Variants in UGT1A8 observed in about 807,000 individuals in gnomAD.
The protein encoded by UGT1A8 is UDP glucuronosyltransferase family 1 member A8.
In UGT1A8, 39 loss-of-function variants were observed where a neutral mutation model predicts 45.3. The observed-to-expected ratio is 0.86, with a 90% confidence interval of 0.67 to 1.12. The LOEUF (loss-of-function observed/expected upper bound fraction) is 1.12. Ranked by LOEUF, UGT1A8 falls within the 50% of genes most tolerant of loss-of-function variation. The pLI, the probability that UGT1A8 is intolerant of heterozygous loss-of-function variation, is 0.00. For synonymous variants in UGT1A8, 275 were observed against 249.2 expected (o/e 1.10, Z -0.97); for missense variants, 719 against 664.9 (o/e 1.08, Z -0.90).
rs879204025 is a variant in UGT1A8, at chr2:233,769,857, CAAA to C, written c.1295+1433_1295+1435del. The C allele has an allele frequency of 9.2e-3, 2,056 of 222,634 alleles. No homozygotes were observed. Among genetic ancestry groups the C allele is most frequent in the South Asian group, 0.014 (129 of 9,020 alleles). The allele number at this position is 222,634 out of a possible 1,614,324, so 13.8% of individuals were successfully genotyped here. On this transcript the variant is annotated intron_variant, in intron 4 of 4. Transcript: ENST00000373450. The surrounding 1 kb of genome is among the most constrained non-coding windows in gnomAD (Gnocchi z 4.4). ...TGGGCAACAGAGTGAGACCCTGTCT[CAAA>C]AAAAAAAAAAAAAATGAAAAGTCCA...
intron 1 of UGT1A8, among the ~76,000 whole-genome samples, chr2:233,738,401 T>G (rs1318254464): frequency 6.6e-6 from 1 of 152,210 alleles, no homozygotes; most frequent in African/African-American, 2.4e-5. Context: ...GACTTGGAAC[T>G]GGGTAACAGG....
intron 1 of UGT1A8, among the ~76,000 whole-genome samples, chr2:233,675,746 C>T (rs1371551948): frequency 1.3e-5 from 2 of 152,118 alleles, no homozygotes; most frequent in Non-Finnish European, 1.5e-5. Context: ...TCATCTATCC[C>T]TTTATTCTAT....
At chr2:233,765,606 C>G (rs4663971) in intron 1 of UGT1A8, among the ~76,000 whole-genome samples, 75,263 of 151,312 alleles carry the variant, frequency 0.5, 19,319 homozygotes, top group African/African-American at 0.62. Context: ...GGGCTTGTGG[C>G]GGGGTGAGGG....
chr2:233,749,952 C>T (rs1450236503), intron 1 of UGT1A8, among the ~76,000 whole-genome samples: 1 of 151,854 alleles, frequency 6.6e-6, no homozygotes, highest in Non-Finnish European at 1.5e-5. Flanking sequence ...ATTACCGAGT[C>T]TTGGGTATGT....
At chr2:233,761,128 C>T in intron 1 of UGT1A8, 1 of 1,614,190 alleles carries the variant, frequency 6.2e-7, no homozygotes, top group Non-Finnish European at 8.5e-7. Context: ...AATCAACTGC[C>T]TTCACCAAAA....
At chr2:233,760,834 G>A in intron 1 of UGT1A8, 1 of 1,613,564 alleles carries the variant, frequency 6.2e-7, no homozygotes, top group Non-Finnish European at 8.5e-7. Flanking sequence ...GGAATTTGAG[G>A]CTACCCAGTG....
chr2:233,765,571 G>A (rs997936570), intron 1 of UGT1A8, among the ~76,000 whole-genome samples: 4 of 152,064 alleles, frequency 2.6e-5, no homozygotes, highest in Admixed American at 2.0e-4. Flanking sequence ...ATGCGTAGAC[G>A]CAGGGAGGGG....
At chr2:233,734,703 G>A (rs1251067187) in intron 1 of UGT1A8, among the ~76,000 whole-genome samples, 3 of 151,956 alleles carry the variant, frequency 2.0e-5, no homozygotes, top group Non-Finnish European at 4.4e-5. Flanking sequence ...CAGAGATTCT[G>A]GTATGTTGTG....
chr2:233,758,550 C>T (rs537826054), intron 1 of UGT1A8, among the ~76,000 whole-genome samples: 173 of 152,196 alleles, frequency 1.1e-3, no homozygotes, highest in African/African-American at 3.9e-3. Flanking sequence ...TTCTGCTTGC[C>T]CAGAATCTTG....
intron 1 of UGT1A8, among the ~76,000 whole-genome samples, chr2:233,766,364 G>C (rs1381103193): frequency 6.6e-6 from 1 of 152,144 alleles, no homozygotes; most frequent in Non-Finnish European, 1.5e-5. Flanking sequence ...GTGCCTGTTG[G>C]TGAGTTCTTC....
intron 1 of UGT1A8, among the ~76,000 whole-genome samples, chr2:233,681,049 CTTGTGGCTCACCTGTGTCACAA>C (rs1187980747): frequency 1.3e-4 from 19 of 151,900 alleles, no homozygotes; most frequent in Admixed American, 2.0e-4. Flanking sequence ...ACAAGCAGCA[CTTGTGGCTCACCTGTGTCACAA>C]TTGTGGCTCA....
At chr2:233,663,306 C>T (rs1398594147) in intron 1 of UGT1A8, among the ~76,000 whole-genome samples, 1 of 152,166 alleles carries the variant, frequency 6.6e-6, no homozygotes, top group African/African-American at 2.4e-5. Context: ...ATCAGTCTCC[C>T]CAAGCAATTT....
chr2:233,726,835 ATT>A (rs1243429736), intron 1 of UGT1A8, among the ~76,000 whole-genome samples: 1 of 152,090 alleles, frequency 6.6e-6, no homozygotes, highest in African/African-American at 2.4e-5. Flanking sequence ...TTTAAATTTA[ATT>A]TTTGTTCCTT....
At chr2:233,680,803 G>C (rs1386884199) in intron 1 of UGT1A8, among the ~76,000 whole-genome samples, 1 of 152,140 alleles carries the variant, frequency 6.6e-6, no homozygotes, top group Admixed American at 6.5e-5. Flanking sequence ...CATAGCAAAG[G>C]CCTGCAGCTC....
chr2:233,682,551 A>C (rs1349581961), intron 1 of UGT1A8: 2 of 1,613,822 alleles, frequency 1.2e-6, no homozygotes, highest in African/African-American at 1.3e-5. Context: ...ACTTTCAAGG[A>C]GAGAGTATGG....
chr2:233,623,550 CTTAA>C (rs2073048416), intron 1 of UGT1A8, among the ~76,000 whole-genome samples: 1 of 152,032 alleles, frequency 6.6e-6, no homozygotes. Context: ...TCACCGAATA[CTTAA>C]TTAAATATAA....
chr2:233,729,158 G>A (rs771653845), intron 1 of UGT1A8: 35 of 1,613,348 alleles, frequency 2.2e-5, no homozygotes, highest in East Asian at 4.5e-5. Context: ...CCCCTGCCGT[G>A]GCTGGCCACA....
chr2:233,741,611 T>G (rs1691716714), intron 1 of UGT1A8: 1 of 151,894 alleles, frequency 6.6e-6, no homozygotes. Context: ...CAGAGTTCAG[T>G]GTCAGACCCC....
intron 1 of UGT1A8, among the ~76,000 whole-genome samples, chr2:233,656,480 C>T (rs879655856): frequency 6.6e-6 from 1 of 152,168 alleles, no homozygotes; most frequent in Non-Finnish European, 1.5e-5. Flanking sequence ...TTTCTCTAGA[C>T]CTGTGCTTAT....
Sources: allele counts gnomAD v4.1 joint callset (sites outside exome capture counted in the v4.1 genomes callset), GRCh38; gene constraint gnomAD v4.1.1; non-coding constraint Gnocchi (gnomAD v3.1); transcripts MANE v1.5; gene names NCBI Gene and HGNC (gene_info 2026-07-23, HGNC 2026-07-21).